The following JAK2 variants were observed in gnomAD, a reference collection of about 807,000 sequenced individuals.
JAK2 encodes the protein tyrosine-protein kinase JAK2.
JAK2 carries 86 observed loss-of-function variants against 139.3 expected under a neutral mutation model. That is an observed-to-expected ratio of 0.62 (90% CI 0.52 to 0.74). JAK2 has a LOEUF of 0.74. JAK2 is among the 30% of genes least tolerant of loss of function. JAK2 has a pLI of 0.00. For synonymous variants in JAK2, 490 were observed against 437.7 expected (o/e 1.12, Z -1.49); for missense variants, 1,421 against 1,360.3 (o/e 1.04, Z -0.70).
chr9:5,107,561 G>A (rs768624570), intron 22 of JAK2, among the ~76,000 whole-genome samples: 2 of 152,104 alleles, frequency 1.3e-5, no homozygotes, highest in Non-Finnish European at 2.9e-5. Flanking sequence ...GGGTTAGATT[G>A]AATTGAATTG....
intron 10 of JAK2, among the ~76,000 whole-genome samples, chr9:5,067,206 C>T (rs1818629649): frequency 1.3e-5 from 2 of 152,022 alleles, no homozygotes; most frequent in Non-Finnish European, 2.9e-5. Flanking sequence ...TTAGAGAAAA[C>T]TAGGTCAATA....
chr9:5,048,271 A>T (rs958691372), intron 5 of JAK2, among the ~76,000 whole-genome samples: 4 of 151,808 alleles, frequency 2.6e-5, no homozygotes, highest in Non-Finnish European at 5.9e-5. Flanking sequence ...CCTCCCTAGT[A>T]GCTGGGATTA....
chr9:5,069,251 T>C, intron 11 of JAK2, 43 bp downstream of exon 11: 1 of 1,377,868 alleles, frequency 7.3e-7, no homozygotes, highest in Non-Finnish European at 1.0e-6. Context: ...TGGTCATGGA[T>C]TGTTTATGTG....
chr9:5,058,194 G>C (rs1254323939), intron 8 of JAK2, among the ~76,000 whole-genome samples: 1 of 152,020 alleles, frequency 6.6e-6, no homozygotes, highest in Non-Finnish European at 1.5e-5. Context: ...CAATTCCTTT[G>C]GATATATACC....
chr9:5,107,163 T>C (rs1035424316), intron 22 of JAK2, among the ~76,000 whole-genome samples: 1 of 152,154 alleles, frequency 6.6e-6, no homozygotes, highest in African/African-American at 2.4e-5. Flanking sequence ...CCTACTCTTT[T>C]AGTATAAAGA....
intron 4 of JAK2, chr9:5,041,303 A>C (rs955163655): frequency 2.4e-5 from 20 of 848,422 alleles, no homozygotes; most frequent in Non-Finnish European, 3.6e-5. Flanking sequence ...CAGGACCAAG[A>C]AGCACATCCC....
chr9:5,094,461 G>A (rs10117565), intron 22 of JAK2: 37,119 of 151,882 alleles, frequency 0.24, 4,926 homozygotes, highest in South Asian at 0.3. Flanking sequence ...ATTATGTACT[G>A]ATCGGCACAC....
chr9:5,050,568 G>A lies in JAK2; in HGVS notation c.469-118G>A. 7 of 1,058,522 alleles carry A rather than the reference G, an allele frequency of 6.6e-6. No individual in the cohort carries two copies. The South Asian group carries it at 8.1e-5, about 12-fold the overall frequency. 65.6% of individuals were successfully genotyped at this position (1,058,522 alleles called of 1,614,324 possible). A position where few individuals can be genotyped will look rare whatever the true frequency, so the allele number is the denominator to read the frequency against. On this transcript the variant is annotated intron_variant, in intron 5 of 24. Transcript: ENST00000381652. ...TTACAGGCATGAGCCACTGAGCCTG[G>A]CCAATTTGTATCTTGTAAATGCATA...
At chr9:5,122,927 A>G in intron 22 of JAK2, 77 bp from the exon 23 acceptor site, 1 of 863,728 alleles carries the variant, frequency 1.2e-6, no homozygotes, top group Non-Finnish European at 1.8e-6. Flanking sequence ...TTTTTAATTT[A>G]TACAATGATT....
chr9:5,085,647 C>T, intron 19 of JAK2: 1 of 723,592 alleles, frequency 1.4e-6, no homozygotes, highest in Non-Finnish European at 2.6e-6. Context: ...CACCCCAGAT[C>T]TTGTGTGTTT....
At chr9:5,122,516 G>A (rs1314676658) in intron 22 of JAK2, among the ~76,000 whole-genome samples, 3 of 152,056 alleles carry the variant, frequency 2.0e-5, no homozygotes, top group African/African-American at 7.2e-5. Flanking sequence ...TAACCTTGGT[G>A]CTGTCTACAG....
At chr9:5,053,262 T>C (rs180759352) in intron 6 of JAK2, among the ~76,000 whole-genome samples, 1 of 152,228 alleles carries the variant, frequency 6.6e-6, no homozygotes, top group East Asian at 1.9e-4. Flanking sequence ...TTTTGGCCAT[T>C]TGTATGCCTT....
At chr9:5,048,844 G>C (rs1305169264) in intron 5 of JAK2, among the ~76,000 whole-genome samples, 1 of 152,110 alleles carries the variant, frequency 6.6e-6, no homozygotes, top group Non-Finnish European at 1.5e-5. Context: ...AGAGTATAGA[G>C]GGCCCTTGTC....
chr9:5,092,080 AG>A (rs1264505921), intron 22 of JAK2, among the ~76,000 whole-genome samples: 1 of 152,156 alleles, frequency 6.6e-6, no homozygotes, highest in Admixed American at 6.6e-5. Flanking sequence ...GTCCTATTAC[AG>A]CACCTAAGGT....
At position 5,111,467 on chromosome 9, in the gene JAK2, C is replaced by T. The variant is rs977313355; in HGVS notation, c.3060-11537C>T. The T allele has an allele frequency of 3.6e-5, 14 of 387,970 alleles. 1 individual carries two copies. Among genetic ancestry groups the T allele is most frequent in the African/African-American group, 2.7e-4 (13 of 47,456 alleles). The allele number at this position is 387,970 out of a possible 1,614,324, so 24.0% of individuals were successfully genotyped here. On this transcript the variant is annotated intron_variant, in intron 22 of 24. Coordinates refer to ENST00000381652, the MANE Select transcript of JAK2 (RefSeq NM_004972.4). ...TGGTCTTCCATCCTCGGCGTACCTG[C>T]CCAGCTCAGGTGAGGAGTACGGTAG... is the stretch of plus-strand genomic sequence containing the variant.
chr9:5,076,971 G>A (rs890465293), intron 14 of JAK2, among the ~76,000 whole-genome samples: 5 of 151,802 alleles, frequency 3.3e-5, no homozygotes, highest in African/African-American at 9.7e-5. Context: ...ATAAAGCAGC[G>A]CAAAACATTT....
At chr9:5,097,021 G>A (rs1176803282) in intron 22 of JAK2, 1 of 152,046 alleles carries the variant, frequency 6.6e-6, no homozygotes, top group Non-Finnish European at 1.5e-5. Context: ...CTCAATAGAA[G>A]CCGGTGCTGG....
At chr9:5,068,943 T>C in intron 10 of JAK2, 79 bp from the exon 11 acceptor site, 1 of 775,776 alleles carries the variant, frequency 1.3e-6, no homozygotes, top group Non-Finnish European at 2.0e-6. Context: ...CTTGTTCTTG[T>C]GATATCATTT....
At chr9:5,121,127 A>G (rs1823587480) in intron 22 of JAK2, among the ~76,000 whole-genome samples, 1 of 152,202 alleles carries the variant, frequency 6.6e-6, no homozygotes, top group Admixed American at 6.5e-5. Flanking sequence ...TAGTGTTGGG[A>G]AAGTATAATT....
Sources: gnomAD v4.1 joint callset for allele counts (sites outside exome capture counted in the v4.1 genomes callset) on GRCh38, gnomAD v4.1.1 for gene constraint, MANE v1.5 for transcripts, NCBI Gene and HGNC (gene_info 2026-07-23, HGNC 2026-07-21) for gene names.